Variants in SCFD2 observed in about 807,000 individuals in gnomAD.
The protein encoded by SCFD2 is sec1 family domain containing 2.
In SCFD2, 54 loss-of-function variants were observed where a neutral mutation model predicts 58.9. That is an observed-to-expected ratio of 0.92 (90% CI 0.74 to 1.15). SCFD2 has a LOEUF of 1.15. Among genes scored for constraint, SCFD2 ranks in the 50% most tolerant of loss-of-function variants. The pLI is 0.00. For synonymous variants in SCFD2, 321 were observed against 335.9 expected, an observed-to-expected ratio of 0.96 and a Z score of 0.49; for missense variants, 805 against 836.6, an observed-to-expected ratio of 0.96 and a Z score of 0.47.
intron 5 of SCFD2, among the ~76,000 whole-genome samples, chr4:53,119,588 G>T (rs1725423648): frequency 6.6e-6 from 1 of 152,164 alleles, no homozygotes; most frequent in Non-Finnish European, 1.5e-5. Context: ...GTGGTTTGAT[G>T]GTTAAGAAAA....
At position 52,946,617 on chromosome 4, in the gene SCFD2, C is replaced by T. The variant is rs143609073; in HGVS notation, c.1562-25747G>A. ...TAAACAATCACTATGTTTTCATCTC[C>T]TTAACCAAAAATATTAATTATGTTT... On this transcript the variant is annotated intron_variant, in intron 5 of 8. Coordinates refer to ENST00000401642, the MANE Select transcript of SCFD2 (RefSeq NM_152540.4). Among the ~76,000 whole-genome samples, 33 of 152,224 alleles carry T rather than the reference C, an allele frequency of 2.2e-4. No individual in the cohort carries two copies. The East Asian group carries it at 6.2e-3, about 28-fold the overall frequency.
chr4:53,187,436 A>T (rs1028533981), intron 4 of SCFD2, among the ~76,000 whole-genome samples: 1 of 152,116 alleles, frequency 6.6e-6, no homozygotes, highest in Non-Finnish European at 1.5e-5. Context: ...AAAAGAAAAA[A>T]GTACATATGT....
At chr4:53,266,014 C>T (rs1383923802) in intron 4 of SCFD2, among the ~76,000 whole-genome samples, 6 of 152,036 alleles carry the variant, frequency 3.9e-5, no homozygotes, top group Admixed American at 3.9e-4. Context: ...CAGGTGTGAG[C>T]CACCAGGCCT....
chr4:53,119,300 A>C (rs189628983), intron 5 of SCFD2, among the ~76,000 whole-genome samples: 3 of 147,950 alleles, frequency 2.0e-5, no homozygotes, highest in Non-Finnish European at 4.5e-5. Flanking sequence ...CTTGGGCAAC[A>C]GAGCGAGACT....
chr4:53,082,977 CTT>C, intron 5 of SCFD2, among the ~76,000 whole-genome samples: 1 of 1,358 alleles, frequency 7.4e-4, no homozygotes, highest in Non-Finnish European at 0.018. Context: ...ATCTGTCTCT[CTT>C]TCTCTCTTTC....
At chr4:53,048,514 T>A (rs1388664919) in intron 5 of SCFD2, among the ~76,000 whole-genome samples, 1 of 152,078 alleles carries the variant, frequency 6.6e-6, no homozygotes, top group Non-Finnish European at 1.5e-5. Flanking sequence ...GGCAGGAAGA[T>A]CCCTTGAGCC....
At chr4:53,357,875 C>T (rs1227510406) in intron 1 of SCFD2, among the ~76,000 whole-genome samples, 1 of 152,096 alleles carries the variant, frequency 6.6e-6, no homozygotes, top group East Asian at 1.9e-4. Context: ...TTTCCCACAC[C>T]CACATATGAG....
At chr4:53,217,435 G>T (rs1205447499) in intron 4 of SCFD2, among the ~76,000 whole-genome samples, 1 of 152,118 alleles carries the variant, frequency 6.6e-6, no homozygotes, top group Non-Finnish European at 1.5e-5. Flanking sequence ...TTGGCTTAAA[G>T]TCTGTTTTAT....
chr4:53,209,305 G>A (rs1005158418), intron 4 of SCFD2, among the ~76,000 whole-genome samples: 16 of 152,084 alleles, frequency 1.1e-4, no homozygotes, highest in South Asian at 4.1e-4. Context: ...ATGAGGGGGC[G>A]GCAGCCAGGA....
At chr4:53,269,899 ACC>A (rs1489282807) in intron 4 of SCFD2, among the ~76,000 whole-genome samples, 2 of 152,096 alleles carry the variant, frequency 1.3e-5, no homozygotes, top group African/African-American at 4.8e-5. Context: ...GGTGGTGCAC[ACC>A]CGTAATTCCA....
rs766390207 is a variant in SCFD2, at chr4:53,199,820, TG to T, written c.1312-54239del. Among the ~76,000 whole-genome samples the T allele has an allele frequency of 1.3e-3, 205 of 152,216 alleles. 2 individuals carry two copies. The highest frequency in any genetic ancestry group is 7.1e-3 in the Admixed American group (108 of 15,274). On this transcript the variant is annotated intron_variant, in intron 4 of 8. Transcript: ENST00000401642. Reference sequence around the variant, plus strand: ...AATCTATTTTCTCAGTTTTAGAAGCTGGAAGTTTGACATCAGGGTGTCAGTA... The same window carrying T: ...AATCTATTTTCTCAGTTTTAGAAGCTGAAGTTTGACATCAGGGTGTCAGTA...
intron 4 of SCFD2, among the ~76,000 whole-genome samples, chr4:53,152,201 A>G (rs1726530846): frequency 6.6e-6 from 1 of 150,576 alleles, no homozygotes; most frequent in Non-Finnish European, 1.5e-5. Flanking sequence ...AACACTTCAA[A>G]GAATCAGTAC....
At chr4:53,198,062 C>A (rs1208270542) in intron 4 of SCFD2, among the ~76,000 whole-genome samples, 1 of 152,018 alleles carries the variant, frequency 6.6e-6, no homozygotes, top group African/African-American at 2.4e-5. Flanking sequence ...ATGCAAAGTC[C>A]TCACCATGTC....
intron 4 of SCFD2, among the ~76,000 whole-genome samples, chr4:53,246,737 T>C (rs1375596585): frequency 6.6e-6 from 1 of 152,004 alleles, no homozygotes; most frequent in Non-Finnish European, 1.5e-5. Flanking sequence ...CCTAAAACTA[T>C]AAAAACCCTG....
intron 2 of SCFD2, among the ~76,000 whole-genome samples, chr4:53,328,742 C>A (rs1577971551): frequency 6.6e-6 from 1 of 152,156 alleles, no homozygotes; most frequent in East Asian, 1.9e-4. Flanking sequence ...GGGGGAGGAG[C>A]CAAGATGGCC....
chr4:53,136,894 T>C (rs1314230225), intron 5 of SCFD2, among the ~76,000 whole-genome samples: 2 of 152,178 alleles, frequency 1.3e-5, no homozygotes, highest in Admixed American at 6.5e-5. Context: ...AGAATGTTTA[T>C]GATATAAGTC....
At chr4:53,135,408 G>A (rs1287223998) in intron 5 of SCFD2, among the ~76,000 whole-genome samples, 1 of 152,158 alleles carries the variant, frequency 6.6e-6, no homozygotes, top group Non-Finnish European at 1.5e-5. Context: ...CTTGAGAGAT[G>A]GCAATACCAG....
chr4:53,118,143 G>A (rs549098344), intron 5 of SCFD2, among the ~76,000 whole-genome samples: 1 of 152,286 alleles, frequency 6.6e-6, no homozygotes. Context: ...ACAAAAATGT[G>A]AGATGGACAC....
At chr4:52,937,740 C>G (rs899616650) in intron 5 of SCFD2, among the ~76,000 whole-genome samples, 3 of 152,058 alleles carry the variant, frequency 2.0e-5, no homozygotes, top group African/African-American at 7.2e-5. Context: ...GAGGAGAGTG[C>G]CAATCTCAGA....
Sources: gnomAD v4.1 joint callset for allele counts (sites outside exome capture counted in the v4.1 genomes callset) on GRCh38, gnomAD v4.1.1 for gene constraint, MANE v1.5 for transcripts, NCBI Gene and HGNC (gene_info 2026-07-23, HGNC 2026-07-21) for gene names.